Variants in CDKAL1 observed in about 807,000 individuals in gnomAD.
CDKAL1 encodes threonylcarbamoyladenosine tRNA methylthiotransferase.
In CDKAL1, 32 loss-of-function variants were observed where a neutral mutation model predicts 68.2. The ratio of observed to expected loss-of-function variants is 0.47; its 90% CI spans 0.35 to 0.63. The LOEUF (loss-of-function observed/expected upper bound fraction) is 0.63, where lower values mean the gene tolerates loss of function less well. Ranked by LOEUF, CDKAL1 falls within the 30% of genes least tolerant of loss-of-function variation. The probability of loss-of-function intolerance (pLI) is 0.00; values close to 1 mark genes in which losing one functional copy is unlikely to be tolerated. For missense variants in CDKAL1, 606 were observed against 696.7 expected (o/e 0.87, Z 1.47); for synonymous variants, 234 against 244.3 (o/e 0.96, Z 0.39).
chr6:20,999,663 T>TAAAAAAA (rs36078234), intron 10 of CDKAL1, among the ~76,000 whole-genome samples: 79 of 93,360 alleles, frequency 8.5e-4, no homozygotes, highest in East Asian at 3.5e-3. Context: ...TGACTGAAAT[T>TAAAAAAA]AAAAAAAAAA....
chr6:20,736,771 CA>C (rs776775631), intron 5 of CDKAL1, among the ~76,000 whole-genome samples: 110 of 139,898 alleles, frequency 7.9e-4, no homozygotes, highest in Middle Eastern at 3.8e-3. Flanking sequence ...GACTCTGCCT[CA>C]AAAAAAAAAA....
intron 5 of CDKAL1, among the ~76,000 whole-genome samples, chr6:20,721,305 G>A (rs1158055297): frequency 6.6e-6 from 1 of 152,090 alleles, no homozygotes; most frequent in Non-Finnish European, 1.5e-5. Flanking sequence ...CCTTTTTTAT[G>A]GCTGCATAGT....
At chr6:21,118,806 A>T (rs972058854) in intron 13 of CDKAL1, among the ~76,000 whole-genome samples, 3 of 152,290 alleles carry the variant, frequency 2.0e-5, no homozygotes, top group South Asian at 2.1e-4. Flanking sequence ...AATTTTAAAG[A>T]CTCAACTTTG....
intron 9 of CDKAL1, among the ~76,000 whole-genome samples, chr6:20,936,277 G>T (rs2150685568): frequency 1.9e-5 from 2 of 107,576 alleles, no homozygotes; most frequent in African/African-American, 3.6e-5. Flanking sequence ...TTGAGACGGA[G>T]TCTCGCTCTG....
At chr6:20,744,017 T>C (rs748628993) in intron 6 of CDKAL1, among the ~76,000 whole-genome samples, 10 of 152,364 alleles carry the variant, frequency 6.6e-5, no homozygotes, top group Non-Finnish European at 1.3e-4. Flanking sequence ...TCTTTTTGTC[T>C]CTTTTTAGGA....
At chr6:20,958,412 C>T (rs1396099653) in intron 10 of CDKAL1, among the ~76,000 whole-genome samples, 2 of 152,162 alleles carry the variant, frequency 1.3e-5, no homozygotes, top group East Asian at 1.9e-4. Flanking sequence ...GACTGAGCCC[C>T]AGAAGGCTTA....
At chr6:21,123,012 G>GTA (rs1336099897) in intron 13 of CDKAL1, among the ~76,000 whole-genome samples, 3 of 152,140 alleles carry the variant, frequency 2.0e-5, no homozygotes, top group Admixed American at 6.6e-5. Flanking sequence ...ATTTGTATGT[G>GTA]TATATATATG....
At chr6:21,111,483 C>A (rs1375316915) in intron 13 of CDKAL1, among the ~76,000 whole-genome samples, 1 of 152,130 alleles carries the variant, frequency 6.6e-6, no homozygotes, top group Non-Finnish European at 1.5e-5. Context: ...TTCTTTCCTT[C>A]CCCCAACCAA....
intron 6 of CDKAL1, among the ~76,000 whole-genome samples, chr6:20,744,731 GT>G (rs1450947924): frequency 1.3e-5 from 2 of 152,174 alleles, no homozygotes; most frequent in Admixed American, 6.6e-5. Context: ...TTATTTATCA[GT>G]TATTACAGTA....
At chr6:20,792,928 G>C (rs1775957262) in intron 8 of CDKAL1, among the ~76,000 whole-genome samples, 1 of 152,204 alleles carries the variant, frequency 6.6e-6, no homozygotes, top group Non-Finnish European at 1.5e-5. Context: ...GTAGGACTTA[G>C]AGTTGTGTAC....
intron 8 of CDKAL1, among the ~76,000 whole-genome samples, chr6:20,826,050 C>A (rs4395717): frequency 0.64 from 96,928 of 151,996 alleles, 31,293 homozygotes; most frequent in African/African-American, 0.66. Context: ...ATATCATTTC[C>A]TTTTCAAACA....
At chr6:20,595,153 G>T (rs13199587) in intron 4 of CDKAL1, among the ~76,000 whole-genome samples, 1 of 151,890 alleles carries the variant, frequency 6.6e-6, no homozygotes, top group Non-Finnish European at 1.5e-5. Context: ...TGTGTCTTGG[G>T]GATGCTCTTC....
intron 7 of CDKAL1, 49 bp downstream of exon 7, chr6:20,758,692 A>G (rs1307679144): frequency 3.5e-6 from 5 of 1,414,014 alleles, no homozygotes; most frequent in South Asian, 2.6e-5. Flanking sequence ...TCTGAACTAC[A>G]TAGTAGAAAC....
chr6:20,663,343 A>G (rs1370121021), intron 5 of CDKAL1, among the ~76,000 whole-genome samples: 1 of 152,058 alleles, frequency 6.6e-6, no homozygotes, highest in Non-Finnish European at 1.5e-5. Flanking sequence ...TCTCTGCTAT[A>G]GGGTATAAAC....
intron 12 of CDKAL1, among the ~76,000 whole-genome samples, chr6:21,108,026 C>T (rs1773933910): frequency 6.6e-6 from 1 of 152,202 alleles, no homozygotes; most frequent in Non-Finnish European, 1.5e-5. Context: ...TTCTGAGTAA[C>T]AGCAGTTGGT....
chr6:20,676,716 A>T (rs1770131133), intron 5 of CDKAL1, among the ~76,000 whole-genome samples: 1 of 127,992 alleles, frequency 7.8e-6, no homozygotes, highest in Admixed American at 7.1e-5. Context: ...ATAAAATAAA[A>T]TAAAAAAGTC....
chr6:20,992,286 G>A (rs868514080), intron 10 of CDKAL1, among the ~76,000 whole-genome samples: 1 of 151,394 alleles, frequency 6.6e-6, no homozygotes, highest in Non-Finnish European at 1.5e-5. Context: ...GGCCAGGCTG[G>A]TCTCAAACTC....
intron 11 of CDKAL1, among the ~76,000 whole-genome samples, chr6:21,001,548 A>G (rs1486388641): frequency 6.6e-6 from 1 of 152,088 alleles, no homozygotes; most frequent in Non-Finnish European, 1.5e-5. Context: ...TATTCAAATC[A>G]GTGCATAGAA....
chr6:20,725,783 TAAA>T (rs67587689), intron 5 of CDKAL1, among the ~76,000 whole-genome samples: 56 of 99,070 alleles, frequency 5.7e-4, no homozygotes, highest in Admixed American at 1.1e-3. Context: ...AAACTCCGTC[TAAA>T]AAAAAAAAAA....
Sources: allele counts gnomAD v4.1 joint callset (sites outside exome capture counted in the v4.1 genomes callset), GRCh38; gene constraint gnomAD v4.1.1; transcripts MANE v1.5; gene names NCBI Gene and HGNC (gene_info 2026-07-23, HGNC 2026-07-21).